ARID1B: variants seen among roughly 807,000 people sequenced by gnomAD.
ARID1B encodes AT-rich interactive domain-containing protein 1B.
Under a neutral mutation model 212.3 loss-of-function variants are expected in ARID1B, and 30 were observed. The observed-to-expected ratio is 0.14, with a 90% CI of 0.11 to 0.19. The LOEUF (loss-of-function observed/expected upper bound fraction) is 0.19. Ranked by LOEUF, ARID1B falls within the 10% of genes least tolerant of loss-of-function variation. The probability of loss-of-function intolerance (pLI) is 1.00; values close to 1 mark genes in which losing one functional copy is unlikely to be tolerated. For missense variants in ARID1B, 2,891 were observed against 3,204.0 expected, an observed-to-expected ratio of 0.90 and a Z score of 2.36; for synonymous variants, 1,402 against 1,301.7, an observed-to-expected ratio of 1.08 and a Z score of -1.66.
At chr6:157,193,114 A>G (rs902339368) in intron 15 of ARID1B, among the ~76,000 whole-genome samples, 5 of 152,208 alleles carry the variant, frequency 3.3e-5, no homozygotes, top group African/African-American at 7.2e-5. Context: ...TTACATATAA[A>G]TGAACATCAT....
chr6:156,921,734 TA>T (rs1183873345), intron 3 of ARID1B, among the ~76,000 whole-genome samples: 3 of 152,102 alleles, frequency 2.0e-5, no homozygotes, highest in African/African-American at 4.8e-5. Context: ...TACATATTTG[TA>T]AAAAAAATTC....
intron 2 of ARID1B, among the ~76,000 whole-genome samples, chr6:156,861,817 A>G (rs1206278148): frequency 1.3e-5 from 2 of 152,116 alleles, no homozygotes; most frequent in Non-Finnish European, 2.9e-5. Context: ...TGGTATGGAA[A>G]GTGGGCTAGA....
chr6:156,809,848 A>G (rs1781444619), intron 1 of ARID1B, among the ~76,000 whole-genome samples: 1 of 152,032 alleles, frequency 6.6e-6, no homozygotes, highest in Admixed American at 6.5e-5. Flanking sequence ...TGGGCTTAGC[A>G]TGGTAGGCTA....
At position 156,915,896 on chromosome 6, in the gene ARID1B, C is replaced by CAA. The variant is rs201509884; in HGVS notation, c.2136+14382_2136+14383dup. Among the ~76,000 whole-genome samples the CAA allele has an allele frequency of 4.0e-3, 527 of 132,522 alleles. 4 individuals carry two copies. Among genetic ancestry groups the CAA allele is most frequent in the African/African-American group, 0.013 (484 of 35,866 alleles). The allele number at this position is 132,522 out of a possible 152,430, so 86.9% of individuals were successfully genotyped here. On this transcript the variant is annotated intron_variant, in intron 3 of 19. Coordinates refer to ENST00000636930, the MANE Select transcript of ARID1B (RefSeq NM_001374828.1). ...GGGTGGACACAGCAAGACTCCGTCT[C>CAA]AAAAAAAAAAAAGCCCCACCTCTTT...
chr6:157,031,632 T>G (rs906073846), intron 4 of ARID1B, among the ~76,000 whole-genome samples: 1 of 152,182 alleles, frequency 6.6e-6, no homozygotes, highest in South Asian at 2.1e-4. Flanking sequence ...AGGTATGATA[T>G]CTATAATCAC....
intron 13 of ARID1B, chr6:157,185,508 A>G (rs774570126): frequency 6.6e-6 from 1 of 152,224 alleles, no homozygotes; most frequent in Non-Finnish European, 1.5e-5. Context: ...GCCCTGTGAC[A>G]TTGATACTAT....
intron 2 of ARID1B, among the ~76,000 whole-genome samples, chr6:156,864,240 G>A (rs1785527950): frequency 6.6e-6 from 1 of 152,092 alleles, no homozygotes; most frequent in Admixed American, 6.5e-5. Flanking sequence ...CCACTTCTTT[G>A]TATTCTGAAG....
At chr6:156,945,099 ATAT>A (rs1476425992) in intron 4 of ARID1B, among the ~76,000 whole-genome samples, 12 of 104,586 alleles carry the variant, frequency 1.1e-4, no homozygotes, top group African/African-American at 3.0e-4. Context: ...ATTTTTTTGT[ATAT>A]TTTTTTTTTT....
intron 1 of ARID1B, 188 bp downstream of exon 1, chr6:156,779,659 G>A: frequency 2.4e-6 from 1 of 419,356 alleles, no homozygotes; most frequent in Non-Finnish European, 3.3e-6. Flanking sequence ...CCGGCGCGCT[G>A]TCCAGGCCTG....
intron 4 of ARID1B, among the ~76,000 whole-genome samples, chr6:157,021,348 G>T (rs1008069174): frequency 1.3e-5 from 2 of 152,242 alleles, no homozygotes; most frequent in Non-Finnish European, 2.9e-5. Context: ...GAATCCCCCG[G>T]GAGTGGGACC....
intron 1 of ARID1B, 125 bp downstream of exon 1, chr6:156,779,596 A>G: frequency 9.6e-7 from 1 of 1,039,372 alleles, no homozygotes; most frequent in Non-Finnish European, 1.2e-6. Flanking sequence ...CGCGGCGCCC[A>G]AAGCCATCTT....
rs954551951 is a variant in ARID1B at position 157,090,945 on chromosome 6, T to TGCCTGGGGTAGCCGCCTCCC, written c.2491+6054_2491+6073dup. Among the ~76,000 whole-genome samples, 349 of 152,260 alleles carry TGCCTGGGGTAGCCGCCTCCC rather than the reference T, an allele frequency of 2.3e-3. 1 individual carries two copies. The highest frequency in any genetic ancestry group is 7.8e-3 in the African/African-American group (322 of 41,544). On this transcript the variant is annotated intron_variant, in intron 5 of 19. Coordinates refer to ENST00000636930, the MANE Select transcript of ARID1B (RefSeq NM_001374828.1). ...TGATCACCTCTGCACGTGTGCCTCC[T>TGCCTGGGGTAGCCGCCTCCC]GCCTGGGGTAGCCGCCTCCCGCCTG...
chr6:156,877,302 C>G (rs117806498), intron 2 of ARID1B, among the ~76,000 whole-genome samples: 1 of 152,170 alleles, frequency 6.6e-6, no homozygotes, highest in Non-Finnish European at 1.5e-5. Context: ...CCCTATTGCT[C>G]TCAGCTCTCC....
chr6:157,141,999 A>G (rs539242120), intron 7 of ARID1B, among the ~76,000 whole-genome samples: 20 of 152,360 alleles, frequency 1.3e-4, no homozygotes, highest in African/African-American at 4.6e-4. Context: ...GTAATTGCCA[A>G]AAACTGGAAA....
intron 8 of ARID1B, among the ~76,000 whole-genome samples, chr6:157,155,879 GT>G (rs1790542532): frequency 6.6e-6 from 1 of 152,152 alleles, no homozygotes. Context: ...TGGGTATACA[GT>G]GGCTTGTACT....
At chr6:156,874,742 C>A (rs1226064208) in intron 2 of ARID1B, among the ~76,000 whole-genome samples, 1 of 152,182 alleles carries the variant, frequency 6.6e-6, no homozygotes, top group Non-Finnish European at 1.5e-5. Context: ...TGATCTCTTT[C>A]CCTGTATCTC....
chr6:157,078,431 C>T (rs1296941116), intron 4 of ARID1B, among the ~76,000 whole-genome samples: 1 of 152,112 alleles, frequency 6.6e-6, no homozygotes, highest in Non-Finnish European at 1.5e-5. Flanking sequence ...TTCTACTGCC[C>T]ATACTATGTT....
intron 4 of ARID1B, among the ~76,000 whole-genome samples, chr6:157,056,712 T>A (rs954912860): frequency 2.6e-5 from 4 of 152,212 alleles, no homozygotes; most frequent in Non-Finnish European, 5.9e-5. Context: ...AGAAAAAATT[T>A]TTGTCTAAAC....
intron 8 of ARID1B, among the ~76,000 whole-genome samples, chr6:157,160,024 G>A (rs1790830113): frequency 6.6e-6 from 1 of 152,240 alleles, no homozygotes; most frequent in African/African-American, 2.4e-5. Flanking sequence ...ACAGGGAGCT[G>A]GAAGATAACT....
Sources: allele counts gnomAD v4.1 joint callset (sites outside exome capture counted in the v4.1 genomes callset), GRCh38; gene constraint gnomAD v4.1.1; transcripts MANE v1.5; gene names NCBI Gene and HGNC (gene_info 2026-07-23, HGNC 2026-07-21).